The following CACNA2D2 variants were observed in gnomAD, a reference collection of about 807,000 sequenced individuals.
The protein encoded by CACNA2D2 is voltage-dependent calcium channel subunit alpha-2/delta-2.
In CACNA2D2, 48 loss-of-function variants were observed where a neutral mutation model predicts 166.4. That is an observed-to-expected ratio of 0.29 (90% CI 0.23 to 0.37). The LOEUF (loss-of-function observed/expected upper bound fraction) is 0.37. Ranked by LOEUF, CACNA2D2 falls within the 10% of genes least tolerant of loss-of-function variation. The pLI is 1.00. For synonymous variants in CACNA2D2, 561 were observed against 573.7 expected (o/e 0.98, Z 0.32); for missense variants, 1,122 against 1,433.0 (o/e 0.78, Z 3.50).
At position 50,362,850 on chromosome 3, in the gene CACNA2D2, C is replaced by A. The variant is rs1704002394; in HGVS notation, c.*1816G>T. The A allele has an allele frequency of 1.8e-5, 6 of 336,332 alleles. No homozygotes were observed. The highest frequency in any genetic ancestry group is 2.6e-5 in the Non-Finnish European group (5 of 188,812). 20.8% of individuals were successfully genotyped at this position (336,332 alleles called of 1,614,324 possible). ...TAATAACTGATCTTCTGTAATAAAC[C>A]ATTTGAAAATATTTTACAAGGAATC... On this transcript the variant is annotated 3_prime_UTR_variant, in exon 38 of 38. Coordinates refer to ENST00000424201, the MANE Select transcript of CACNA2D2 (RefSeq NM_006030.4).
intron 2 of CACNA2D2, among the ~76,000 whole-genome samples, chr3:50,463,443 T>G (rs1431839141): frequency 1.3e-5 from 2 of 152,064 alleles, no homozygotes; most frequent in Non-Finnish European, 2.9e-5. Flanking sequence ...GGACCACAGG[T>G]GCACGCCACC....
chr3:50,485,517 A>C (rs1002675922), intron 1 of CACNA2D2, among the ~76,000 whole-genome samples: 1 of 152,244 alleles, frequency 6.6e-6, no homozygotes, highest in African/African-American at 2.4e-5. Flanking sequence ...TTGAGTAAAT[A>C]ATCATTATAA....
chr3:50,410,798 G>T (rs1706974651), intron 3 of CACNA2D2, among the ~76,000 whole-genome samples: 1 of 152,260 alleles, frequency 6.6e-6, no homozygotes, highest in South Asian at 2.1e-4. Context: ...GTGGGAGTGG[G>T]TGAGGAGGTT....
At chr3:50,405,016 C>T (rs1706633003) in intron 3 of CACNA2D2, among the ~76,000 whole-genome samples, 1 of 152,182 alleles carries the variant, frequency 6.6e-6, no homozygotes, top group Admixed American at 6.5e-5. Context: ...CTCCAGGCTC[C>T]CTTCCCATGA....
rs1251265150 is a variant in CACNA2D2 at position 50,380,138 on chromosome 3, G to A, written c.843-120C>T. 10 of 962,618 alleles carry A rather than the reference G, an allele frequency of 1.0e-5. No homozygotes were observed. The highest frequency in any genetic ancestry group is 1.6e-5 in the Non-Finnish European group (10 of 612,384). 59.6% of individuals were successfully genotyped at this position (962,618 alleles called of 1,614,324 possible). A position where few individuals can be genotyped will look rare whatever the true frequency, so the allele number is the denominator to read the frequency against. ...GAGCATGCACTGTGTGGGCCAGGCAGGGTTCTATGCACCGATGATACCACA... is the reference window on the plus strand; with the variant it reads ...GAGCATGCACTGTGTGGGCCAGGCAAGGTTCTATGCACCGATGATACCACA... On this transcript the variant is annotated intron_variant, in intron 8 of 37. Coordinates refer to ENST00000424201, the MANE Select transcript of CACNA2D2 (RefSeq NM_006030.4). The surrounding 1 kb of genome is among the most constrained non-coding windows in gnomAD (Gnocchi z 4.9).
At chr3:50,404,220 G>C (rs979446899) in intron 3 of CACNA2D2, among the ~76,000 whole-genome samples, 1 of 152,132 alleles carries the variant, frequency 6.6e-6, no homozygotes, top group Admixed American at 6.5e-5. Context: ...GTGTGAGTGG[G>C]GTGAGGCTGA....
At chr3:50,445,971 T>A (rs1441187834) in intron 2 of CACNA2D2, among the ~76,000 whole-genome samples, 1 of 151,768 alleles carries the variant, frequency 6.6e-6, no homozygotes, top group Admixed American at 6.6e-5. Flanking sequence ...TCTCTCGGTG[T>A]ATGCAAAACT....
intron 3 of CACNA2D2, among the ~76,000 whole-genome samples, chr3:50,407,998 A>G (rs1223148723): frequency 6.6e-6 from 1 of 152,178 alleles, no homozygotes; most frequent in African/African-American, 2.4e-5. Flanking sequence ...GCTTATGAAC[A>G]TGGCCCAGCC....
intron 1 of CACNA2D2, among the ~76,000 whole-genome samples, chr3:50,502,452 TGGCTCTTGG>T (rs988967218): frequency 2.0e-5 from 3 of 152,214 alleles, no homozygotes; most frequent in Admixed American, 2.0e-4. Flanking sequence ...CCGAGTTTGC[TGGCTCTTGG>T]GGAGGAGGAG....
intron 3 of CACNA2D2, among the ~76,000 whole-genome samples, chr3:50,434,031 C>T (rs552308579): frequency 1.7e-4 from 26 of 152,308 alleles, no homozygotes; most frequent in African/African-American, 5.1e-4. Flanking sequence ...ACCCCAGGCC[C>T]GGAAGGAGGG....
chr3:50,434,481 G>T, intron 2 of CACNA2D2, 52 bp from the exon 3 acceptor site: 1 of 1,313,778 alleles, frequency 7.6e-7, no homozygotes, highest in Non-Finnish European at 1.1e-6. Flanking sequence ...ACGTCCTCAT[G>T]CCATGGGCCC....
intron 2 of CACNA2D2, among the ~76,000 whole-genome samples, chr3:50,459,124 G>A (rs1379600307): frequency 1.3e-5 from 2 of 152,248 alleles, no homozygotes; most frequent in African/African-American, 4.8e-5. Flanking sequence ...AACTATGACA[G>A]ACATCATATT....
chr3:50,437,898 G>A (rs1708422644), intron 2 of CACNA2D2, among the ~76,000 whole-genome samples: 4 of 152,190 alleles, frequency 2.6e-5, no homozygotes, highest in Admixed American at 2.6e-4. Flanking sequence ...TGATGTCCTT[G>A]GCCCAGAGAG....
In CACNA2D2 at chr3:50,367,090, C is replaced by G; in HGVS notation, c.2421G>C (p.Glu807Asp). ...GGATGCCCACAGTGTCATTCTCCAG[C>G]TCCAGCGGCCTTAACAGGGCTGGGG... ...PHQDALLRPL[E>D]LENDTVGILV... Residue 807 changes from glutamate (E) to aspartate (D), a missense_variant, in exon 28 of 38, where the codon GAG becomes GAC. Physicochemically the swap from Glu to Asp is conservative, Grantham distance 45 (BLOSUM62 2). Coordinates refer to ENST00000424201, the MANE Select transcript of CACNA2D2 (RefSeq NM_006030.4). This position sits in a 1 kb window ranked among gnomAD's most constrained non-coding sequence, Gnocchi z 6.5. 1 of 1,613,566 alleles carries G rather than the reference C, an allele frequency of 6.2e-7. No individual in the cohort carries two copies. Among genetic ancestry groups the G allele is most frequent in the Non-Finnish European group, 8.5e-7 (1 of 1,179,992 alleles).
At chr3:50,491,091 T>C (rs760361127) in intron 1 of CACNA2D2, among the ~76,000 whole-genome samples, 1 of 152,196 alleles carries the variant, frequency 6.6e-6, no homozygotes, top group African/African-American at 2.4e-5. Flanking sequence ...TTCTGTTCTG[T>C]TGGGCACTCA....
chr3:50,388,766 C>A (rs1007149292), intron 4 of CACNA2D2, among the ~76,000 whole-genome samples: 1 of 152,244 alleles, frequency 6.6e-6, no homozygotes, highest in African/African-American at 2.4e-5. Flanking sequence ...TGCCCACGGG[C>A]TCCGTCAGTA....
At chr3:50,485,414 T>C (rs1698236855) in intron 1 of CACNA2D2, among the ~76,000 whole-genome samples, 1 of 152,248 alleles carries the variant, frequency 6.6e-6, no homozygotes, top group African/African-American at 2.4e-5. Flanking sequence ...CTTTTATTTT[T>C]CCAACAAAAT....
In CACNA2D2 at chr3:50,365,766, G is replaced by A. The variant is rs372028525; in HGVS notation, c.2915+44C>T. On this transcript the variant is annotated intron_variant, in intron 33 of 37. Transcript: ENST00000424201. The surrounding 1 kb of genome is among the most constrained non-coding windows in gnomAD (Gnocchi z 4.5). The stretch of plus-strand genomic sequence containing the variant: ...CCCTACTTCTCTTCTGAGCCCTCCC[G>A]GCCAGGGAGCACCTTCTCTACCCAC... 12 of 1,612,280 alleles carry A rather than the reference G, an allele frequency of 7.4e-6. No homozygotes were observed. The South Asian group carries it at 1.3e-4, about 18-fold the overall frequency.
chr3:50,370,711 C>T (rs1015060645), intron 22 of CACNA2D2, among the ~76,000 whole-genome samples: 34 of 152,024 alleles, frequency 2.2e-4, no homozygotes, highest in African/African-American at 4.8e-5. Flanking sequence ...CGGACACACA[C>T]ACACACATAT....
Sources: allele counts gnomAD v4.1 joint callset (sites outside exome capture counted in the v4.1 genomes callset), GRCh38; gene constraint gnomAD v4.1.1; non-coding constraint Gnocchi (gnomAD v3.1); transcripts MANE v1.5; gene names NCBI Gene and HGNC (gene_info 2026-07-23, HGNC 2026-07-21).